The following SHROOM2 variants were observed in gnomAD, a reference collection of about 807,000 sequenced individuals.
SHROOM2 encodes the protein shroom family member 2.
Under a neutral mutation model 75.9 loss-of-function variants are expected in SHROOM2, and 33 were observed. The observed-to-expected ratio is 0.43, with a 90% CI of 0.33 to 0.58. The LOEUF is 0.58. Ranked by LOEUF, SHROOM2 falls within the 20% of genes least tolerant of loss-of-function variation. The pLI, the probability that SHROOM2 is intolerant of heterozygous loss-of-function variation, is 0.04. For missense variants in SHROOM2, 1,434 were observed against 1,461.2 expected (o/e 0.98, Z 0.30); for synonymous variants, 655 against 663.6 (o/e 0.99, Z 0.20).
At chrX:9,915,295 C>T (rs1258339605) in intron 5 of SHROOM2, among the ~76,000 whole-genome samples, 1 of 110,907 alleles carries the variant, frequency 9.0e-6, no homozygotes, top group African/African-American at 3.3e-5. Flanking sequence ...TGATTTGTGG[C>T]TGCACTGTTT....
rs370283857 is a variant in SHROOM2 at position 9,947,991 on chromosome X, G to A, written c.*1054G>A. Reference sequence around the variant, plus strand: ...CTATGCCCATTTCCTTGATTGAAATGGCAGGATTCTAAAGAGAGCCTGGTT... The same window carrying A: ...CTATGCCCATTTCCTTGATTGAAATAGCAGGATTCTAAAGAGAGCCTGGTT... On this transcript the variant is annotated 3_prime_UTR_variant, in exon 10 of 10. Transcript: ENST00000380913. 1 of 112,229 alleles carries A rather than the reference G, an allele frequency of 8.9e-6. No homozygotes were observed. The allele number at this position is 112,229 out of a possible 1,213,427, so 9.2% of individuals were successfully genotyped here. A position where few individuals can be genotyped will look rare whatever the true frequency, so the allele number is the denominator to read the frequency against.
chrX:9,825,160 G>A (rs1304059777), intron 1 of SHROOM2, among the ~76,000 whole-genome samples: 1 of 112,094 alleles, frequency 8.9e-6, no homozygotes, highest in South Asian at 3.7e-4. Context: ...TATGTGCTTC[G>A]AATAGCTTAA....
At chrX:9,912,983 C>G (rs2084444937) in intron 5 of SHROOM2, 1 of 112,159 alleles carries the variant, frequency 8.9e-6, no homozygotes, top group Admixed American at 9.4e-5. Flanking sequence ...AGGCGGTGCT[C>G]TTAACACCGT....
chrX:9,914,657 C>G (rs758565073), intron 5 of SHROOM2, among the ~76,000 whole-genome samples: 1 of 111,637 alleles, frequency 9.0e-6, no homozygotes, highest in Non-Finnish European at 1.9e-5. Context: ...TTGCCGACAC[C>G]TTATTTAAAA....
In SHROOM2 at chrX:9,946,799, C is replaced by T; in HGVS notation, c.4713C>T (p.Ser1571=). The change falls in exon 10 of 10, where the codon AGC becomes AGT. Residue 1571 remains serine, a synonymous_variant. Coordinates refer to ENST00000380913, the MANE Select transcript of SHROOM2 (RefSeq NM_001649.4). The stretch of plus-strand genomic sequence containing the variant: ...TGGCCAACTATCTGAGCGAGGAGAG[C>T]CTCGCGGACTATGAGCACTTCGTGA... ...DILANYLSEE[S]LADYEHFVKM... 8.3e-7 allele frequency: 1 copy of T among 1,204,375 alleles called. No homozygotes were observed. Among genetic ancestry groups the T allele is most frequent in the Non-Finnish European group, 1.1e-6 (1 of 891,492 alleles).
intron 5 of SHROOM2, among the ~76,000 whole-genome samples, chrX:9,906,007 G>A (rs1043455826): frequency 3.6e-5 from 4 of 111,446 alleles, no homozygotes; most frequent in Non-Finnish European, 5.6e-5. Context: ...CCTGGGCCGC[G>A]AGCATCATGG....
intron 1 of SHROOM2, among the ~76,000 whole-genome samples, chrX:9,815,730 G>A (rs974101480): frequency 3.6e-4 from 40 of 110,072 alleles, no homozygotes; most frequent in South Asian, 1.2e-3. Context: ...TCTGATGTTC[G>A]AGGGCAGAAG....
At chrX:9,873,569 A>G in intron 1 of SHROOM2, 83 bp from the exon 2 acceptor site, 1 of 1,083,607 alleles carries the variant, frequency 9.2e-7, no homozygotes, top group Non-Finnish European at 1.3e-6. Flanking sequence ...AGTGTGAGGT[A>G]TGTCTGCTGC....
intron 3 of SHROOM2, among the ~76,000 whole-genome samples, chrX:9,892,418 A>G (rs937980102): frequency 9.0e-6 from 1 of 110,557 alleles, no homozygotes; most frequent in Admixed American, 9.6e-5. Flanking sequence ...GAAAAAAAAA[A>G]CACAAAAAAA....
At chrX:9,814,898 C>T (rs989732441) in intron 1 of SHROOM2, among the ~76,000 whole-genome samples, 1 of 111,390 alleles carries the variant, frequency 9.0e-6, no homozygotes, top group Non-Finnish European at 1.9e-5. Context: ...AAGGTCAGCC[C>T]CTCGCATGAT....
At chrX:9,816,679 G>T (rs1363743650) in intron 1 of SHROOM2, among the ~76,000 whole-genome samples, 1 of 110,766 alleles carries the variant, frequency 9.0e-6, no homozygotes, top group Non-Finnish European at 1.9e-5. Context: ...TTGATTCTGG[G>T]GTTCAGACAG....
intron 2 of SHROOM2, among the ~76,000 whole-genome samples, chrX:9,882,618 G>A (rs909382997): frequency 8.9e-6 from 1 of 111,901 alleles, no homozygotes; most frequent in Non-Finnish European, 1.9e-5. Context: ...GGTTCTGCCT[G>A]TGGCTTCTGT....
Position 9,891,088 on chromosome X carries a change from G to A in SHROOM2, c.429G>A (p.Trp143Ter). 1 of 1,206,528 alleles carries A rather than the reference G, an allele frequency of 8.3e-7. No individual in the cohort carries two copies. The highest frequency in any genetic ancestry group is 1.1e-6 in the Non-Finnish European group (1 of 893,097). Residue 143 changes from tryptophan to a stop codon, truncating the protein, a stop_gained, in exon 3 of 10, where the codon TGG becomes TGA. Coordinates refer to ENST00000380913, the MANE Select transcript of SHROOM2 (RefSeq NM_001649.4). LOFTEE classifies it high-confidence loss of function. ...CCTCCACCAGCGGCTGTCCTTCCTG[G>A]TCCGGCCGACACCACGCGAGGTAGG... ...PFTSTSGCPS[W>*]SGRHHASSSS...
At chrX:9,875,334 G>A (rs771652972) in intron 2 of SHROOM2, among the ~76,000 whole-genome samples, 3 of 110,054 alleles carry the variant, frequency 2.7e-5, no homozygotes, top group Non-Finnish European at 3.8e-5. Context: ...ATAGCAGCAC[G>A]TTTGTTCTTA....
chrX:9,874,021 G>T (rs1341416537), intron 2 of SHROOM2, among the ~76,000 whole-genome samples: 1 of 112,314 alleles, frequency 8.9e-6, no homozygotes, highest in Non-Finnish European at 1.9e-5. Context: ...TGTATTAAGT[G>T]GATTTGAATA....
At chrX:9,787,716 GAC>G (rs2083622863) in intron 1 of SHROOM2, among the ~76,000 whole-genome samples, 1 of 112,409 alleles carries the variant, frequency 8.9e-6, no homozygotes, top group South Asian at 3.7e-4. Context: ...TAGCAAATGA[GAC>G]ACCAGCGTCT....
At chrX:9,855,181 G>T (rs1358674090) in intron 1 of SHROOM2, among the ~76,000 whole-genome samples, 5 of 103,118 alleles carry the variant, frequency 4.8e-5, no homozygotes, top group Middle Eastern at 4.9e-3. Context: ...AACATTAGGA[G>T]AAATACCTAA....
At position 9,895,676 on chromosome X, in the gene SHROOM2, C is replaced by T. The variant is rs868096452; in HGVS notation, c.1768C>T (p.Leu590=). The change falls in exon 4 of 10, where the codon CTG becomes TTG. Residue 590 remains leucine, a synonymous_variant. Transcript: ENST00000380913. ...CPQETPLLHS[L]TQEGKRRPES... Reference sequence around the variant, plus strand: ...GCAGGAGACGCCCCTGTTGCACTCCCTGACCCAGGAGGGGAAGCGCCGGCC... The same window carrying T: ...GCAGGAGACGCCCCTGTTGCACTCCTTGACCCAGGAGGGGAAGCGCCGGCC... 9.4e-6 allele frequency: 11 copies of T among 1,175,890 alleles called. No individual in the cohort carries two copies. Among genetic ancestry groups the T allele is most frequent in the Non-Finnish European group, 1.2e-5 (11 of 881,130 alleles).
In SHROOM2 at chrX:9,894,826, TAAG is replaced by T. The variant is rs1422084643; in HGVS notation, c.924_926del (p.Lys309del). The T allele has an allele frequency of 8.3e-7, 1 of 1,211,631 alleles. No homozygotes were observed. Among genetic ancestry groups the T allele is most frequent in the Non-Finnish European group, 1.1e-6 (1 of 895,437 alleles). ...TTGGGCCAGTCTGGTATGTTCCCGA[TAAG>T]AAGAAAGCACCATCATCCCCACCTC... On this transcript the variant is annotated inframe_deletion, in exon 4 of 10. Coordinates refer to ENST00000380913, the MANE Select transcript of SHROOM2 (RefSeq NM_001649.4).
Sources: gnomAD v4.1 joint callset for allele counts (sites outside exome capture counted in the v4.1 genomes callset) on GRCh38, gnomAD v4.1.1 for gene constraint, MANE v1.5 for transcripts, NCBI Gene and HGNC (gene_info 2026-07-23, HGNC 2026-07-21) for gene names.